ANKRD17: variants seen among roughly 807,000 people sequenced by gnomAD.
The protein encoded by ANKRD17 is ankyrin repeat domain 17.
Under a neutral mutation model 229.7 loss-of-function variants are expected in ANKRD17, and 19 were observed. The ratio of observed to expected loss-of-function variants is 0.08; its 90% CI spans 0.06 to 0.12. ANKRD17 has a LOEUF of 0.12. Ranked by LOEUF, ANKRD17 falls within the 10% of genes least tolerant of loss-of-function variation. ANKRD17 has a pLI of 1.00. For missense variants in ANKRD17, 2,176 were observed against 3,176.8 expected (o/e 0.68, Z 7.57); for synonymous variants, 1,112 against 1,146.1 (o/e 0.97, Z 0.60).
chr4:73,136,810 T>C (rs1255747238), intron 15 of ANKRD17, among the ~76,000 whole-genome samples: 7 of 152,028 alleles, frequency 4.6e-5, no homozygotes, highest in Non-Finnish European at 8.8e-5. Context: ...AACTGCTAAA[T>C]ACAAAAAGTA....
rs758771705 is a variant in ANKRD17 at position 73,091,128 on chromosome 4, G to A, written c.6500C>T (p.Pro2167Leu). The A allele has an allele frequency of 2.5e-6, 4 of 1,613,988 alleles. No individual in the cohort carries two copies. The Admixed American group carries it at 6.7e-5, about 27-fold the overall frequency. The change falls in exon 29 of 34, where the codon CCC becomes CTC. Residue 2167 changes from proline (P) to leucine (L), a missense_variant. By Grantham distance (98) the Pro-to-Leu change is moderately conservative (BLOSUM62 -3). This residue lies in a region of ANKRD17 where 424 missense variants were observed against 454.0 expected (regional missense o/e 0.93). Transcript: ENST00000358602. ...YPMPQTPMGC[P>L]QPTPKMETPA... is the part of the protein sequence containing the mutation. ...GGTTTCCATTTTAGGAGTAGGCTGG[G>A]GGCATCCCATTGGTGTCTGAGGCAT...
At chr4:73,232,137 C>T (rs1743104242) in intron 1 of ANKRD17, among the ~76,000 whole-genome samples, 1 of 152,150 alleles carries the variant, frequency 6.6e-6, no homozygotes, top group Admixed American at 6.5e-5. Context: ...CCATGGGACA[C>T]ACAATGGGTC....
chr4:73,255,139 G>A (rs1057361312), intron 1 of ANKRD17, among the ~76,000 whole-genome samples: 111 of 152,126 alleles, frequency 7.3e-4, no homozygotes, highest in African/African-American at 2.4e-3. Context: ...TCTAAGACGT[G>A]ATTACCCTAT....
In ANKRD17 at chr4:73,101,969, C is replaced by T. The variant is rs555162951; in HGVS notation, c.4573+407G>A. Reference sequence around the variant, plus strand: ...TTTTTGATAGAAGGTCTTGCTCTGTCACCCAGGCTGGAGTGCAGTGGTGCC... The same window carrying T: ...TTTTTGATAGAAGGTCTTGCTCTGTTACCCAGGCTGGAGTGCAGTGGTGCC... On this transcript the variant is annotated intron_variant, in intron 25 of 33. Coordinates refer to ENST00000358602, the MANE Select transcript of ANKRD17 (RefSeq NM_032217.5). Among the ~76,000 whole-genome samples the T allele has an allele frequency of 1.9e-4, 29 of 152,048 alleles. No homozygotes were observed. The East Asian group carries it at 5.4e-3, about 28-fold the overall frequency.
intron 25 of ANKRD17, 71 bp downstream of exon 25, chr4:73,102,305 G>T: frequency 6.9e-7 from 1 of 1,450,602 alleles, no homozygotes; most frequent in South Asian, 1.4e-5. Context: ...TTTCAAGAGT[G>T]ACTGATAATC....
At chr4:73,233,552 C>T (rs185294342) in intron 1 of ANKRD17, among the ~76,000 whole-genome samples, 2 of 152,226 alleles carry the variant, frequency 1.3e-5, no homozygotes, top group Admixed American at 1.3e-4. Context: ...TTCCTTCTAG[C>T]TTTCTTCAGT....
Position 73,142,742 on chromosome 4 carries a change from A to G in ANKRD17, c.1983T>C (p.Ala661=), listed in dbSNP as rs781612819. The change falls in exon 12 of 34, where the codon GCT becomes GCC. Residue 661 remains alanine, a synonymous_variant. Coordinates refer to ENST00000358602, the MANE Select transcript of ANKRD17 (RefSeq NM_032217.5). The part of the protein sequence containing the change: ...SKGANVNRTT[A]NNDHTVLSLA... ...GGGACAGTACAGTATGGTCATTATT[A>G]GCTGTGGTTCTATTCACATTCGCTC... 213 of 1,613,650 alleles carry G rather than the reference A, an allele frequency of 1.3e-4. No individual in the cohort carries two copies. Among genetic ancestry groups the G allele is most frequent in the Middle Eastern group, 5.0e-4 (3 of 6,060 alleles).
At chr4:73,087,765 C>T (rs113261884) in intron 29 of ANKRD17, among the ~76,000 whole-genome samples, 1 of 152,006 alleles carries the variant, frequency 6.6e-6, no homozygotes, top group East Asian at 1.9e-4. Flanking sequence ...TTGTGAAGAT[C>T]CATATCAAAG....
At chr4:73,154,253 A>T (rs1017241435) in intron 5 of ANKRD17, 140 bp from the exon 6 acceptor site, 1 of 376,892 alleles carries the variant, frequency 2.7e-6, no homozygotes, top group Non-Finnish European at 4.4e-6. Context: ...ATGTAAATAT[A>T]TATCTATATA....
intron 24 of ANKRD17, among the ~76,000 whole-genome samples, chr4:73,108,970 T>C (rs999058521): frequency 1.3e-5 from 2 of 152,132 alleles, no homozygotes; most frequent in African/African-American, 4.8e-5. Flanking sequence ...AGAAACCATA[T>C]AGGATCTGGT....
At chr4:73,145,750 C>A (rs1730188417) in intron 10 of ANKRD17, among the ~76,000 whole-genome samples, 1 of 152,126 alleles carries the variant, frequency 6.6e-6, no homozygotes, top group African/African-American at 2.4e-5. Context: ...ACGTTCTATT[C>A]TAGTTAGTTG....
At chr4:73,213,684 T>C (rs1208545331) in intron 1 of ANKRD17, among the ~76,000 whole-genome samples, 1 of 152,178 alleles carries the variant, frequency 6.6e-6, no homozygotes, top group Non-Finnish European at 1.5e-5. Flanking sequence ...AAAAATATGG[T>C]ATATATAAAC....
chr4:73,195,833 C>A (rs529123887), intron 1 of ANKRD17, among the ~76,000 whole-genome samples: 1 of 151,828 alleles, frequency 6.6e-6, no homozygotes, highest in South Asian at 2.1e-4. Context: ...ATGTGAAATA[C>A]AATTTCTCTA....
intron 22 of ANKRD17, among the ~76,000 whole-genome samples, chr4:73,117,820 C>T (rs1042847099): frequency 3.9e-5 from 6 of 152,152 alleles, no homozygotes; most frequent in African/African-American, 1.4e-4. Context: ...AATGGATTAT[C>T]AAACAAACCA....
Position 73,092,309 on chromosome 4 carries a change from T to C in ANKRD17, c.5328-9A>G. The C allele has an allele frequency of 1.3e-6, 2 of 1,577,000 alleles. No individual in the cohort carries two copies. Among genetic ancestry groups the C allele is most frequent in the South Asian group, 1.2e-5 (1 of 84,960 alleles). ...TTGATTCAGTGCCACCCCTATAAAT[T>C]GAGAAAAAAAAATTAGGTAGAATTT... is the stretch of plus-strand genomic sequence containing the variant. On this transcript the variant is annotated splice_polypyrimidine_tract_variant and intron_variant, in intron 28 of 33. Coordinates refer to ENST00000358602, the MANE Select transcript of ANKRD17 (RefSeq NM_032217.5).
At chr4:73,186,077 A>T (rs1736255993) in intron 1 of ANKRD17, among the ~76,000 whole-genome samples, 1 of 152,032 alleles carries the variant, frequency 6.6e-6, no homozygotes, top group South Asian at 2.1e-4. Context: ...AATAAGAAAT[A>T]AGAAGTATTC....
intron 2 of ANKRD17, among the ~76,000 whole-genome samples, chr4:73,176,210 A>T (rs1439295167): frequency 1.3e-5 from 2 of 152,218 alleles, no homozygotes; most frequent in African/African-American, 2.4e-5. Context: ...AGGTATCAAC[A>T]TCACTGATCA....
intron 25 of ANKRD17, chr4:73,098,761 C>T (rs966444794): frequency 1.0e-5 from 11 of 1,070,432 alleles, no homozygotes; most frequent in Non-Finnish European, 1.4e-5. Flanking sequence ...CTGGTGCTGG[C>T]GTGGCTCCAG....
intron 25 of ANKRD17, 27 bp from the exon 26 acceptor site, chr4:73,098,547 C>A (rs1393067936): frequency 1.9e-6 from 3 of 1,589,968 alleles, no homozygotes; most frequent in Non-Finnish European, 2.6e-6. Flanking sequence ...ACTGAATTAG[C>A]AAGTTCTAAG....
Sources: allele counts gnomAD v4.1 joint callset (sites outside exome capture counted in the v4.1 genomes callset), GRCh38; gene constraint gnomAD v4.1.1; regional missense constraint gnomAD v4.1.1; transcripts MANE v1.5; gene names NCBI Gene and HGNC (gene_info 2026-07-23, HGNC 2026-07-21).